The following SREBF2 variants were observed in gnomAD, a reference collection of about 807,000 sequenced individuals.
SREBF2 encodes the protein sterol regulatory element binding transcription factor 2, also known as sterol regulatory element-binding protein 2.
Under a neutral mutation model 113.1 loss-of-function variants are expected in SREBF2, and 55 were observed. The observed-to-expected ratio is 0.49, with a 90% confidence interval of 0.39 to 0.61. The LOEUF is 0.61. Ranked by LOEUF, SREBF2 falls within the 20% of genes least tolerant of loss-of-function variation. The pLI is 0.00. For synonymous variants in SREBF2, 593 were observed against 605.7 expected (o/e 0.98, Z 0.31); for missense variants, 1,349 against 1,487.4 (o/e 0.91, Z 1.53).
chr22:41,845,462 C>G (rs2076869499), intron 1 of SREBF2, among the ~76,000 whole-genome samples: 1 of 152,204 alleles, frequency 6.6e-6, no homozygotes, highest in Non-Finnish European at 1.5e-5. Flanking sequence ...TTTAAAAAAT[C>G]CTTGCTGCAT....
chr22:41,889,017 G>T (rs2077328425), intron 11 of SREBF2, among the ~76,000 whole-genome samples: 1 of 152,076 alleles, frequency 6.6e-6, no homozygotes, highest in African/African-American at 2.4e-5. Flanking sequence ...TTAGACTAGA[G>T]GTTCCCAAAC....
chr22:41,877,828 T>C (rs2077210640), intron 8 of SREBF2, 114 bp from the exon 9 acceptor site: 3 of 1,132,666 alleles, frequency 2.6e-6, no homozygotes, highest in Non-Finnish European at 4.0e-6. Context: ...ATTTGCCCTT[T>C]CTTCTGAAAA....
chr22:41,868,775 C>G lies in SREBF2; in HGVS notation c.703C>G (p.Gln235Glu). 1 of 1,611,660 alleles carries G rather than the reference C, an allele frequency of 6.2e-7. No homozygotes were observed. Among genetic ancestry groups the G allele is most frequent in the South Asian group, 1.1e-5 (1 of 90,784 alleles). The change falls in exon 3 of 19, where the codon CAG becomes GAG. Residue 235 changes from glutamine to glutamate, a missense_variant. By Grantham distance (29) the Gln-to-Glu change is conservative. Transcript: ENST00000361204. The part of the protein sequence containing the change: ...PATVQTVAAP[Q>E]VQQVPVLVQP... Reference sequence around the variant, plus strand: ...TACGGTGCAGACAGTTGCTGCGCCACAGGTGCAGCAGGTCCCGGTAAGTGG... The same window carrying G: ...TACGGTGCAGACAGTTGCTGCGCCAGAGGTGCAGCAGGTCCCGGTAAGTGG...
chr22:41,899,739 G>T (rs1331359533), intron 15 of SREBF2, among the ~76,000 whole-genome samples: 1 of 152,150 alleles, frequency 6.6e-6, no homozygotes, highest in African/African-American at 2.4e-5. Context: ...CAGGTAAGTT[G>T]TCCAAAGTCA....
intron 2 of SREBF2, among the ~76,000 whole-genome samples, chr22:41,867,885 G>A (rs1262429218): frequency 6.6e-6 from 1 of 152,164 alleles, no homozygotes; most frequent in African/African-American, 2.4e-5. Flanking sequence ...CTTGAATAAG[G>A]CTTGAAATTG....
chr22:41,872,898 A>C (rs182927561), intron 4 of SREBF2, among the ~76,000 whole-genome samples: 44 of 149,546 alleles, frequency 2.9e-4, no homozygotes, highest in Non-Finnish European at 1.0e-4. Context: ...GTCTCAAAAA[A>C]AAAAACAAAA....
At chr22:41,905,411 C>T (rs766314454) in intron 18 of SREBF2, 29 bp from the exon 19 acceptor site, 11 of 1,545,170 alleles carry the variant, frequency 7.1e-6, no homozygotes, top group African/African-American at 1.4e-5. Flanking sequence ...GGTAGATTCT[C>T]GGTTGTGACA....
chr22:41,904,804 C>T (rs2077491976), intron 17 of SREBF2, 59 bp from the exon 18 acceptor site: 2 of 1,369,446 alleles, frequency 1.5e-6, no homozygotes, highest in South Asian at 1.2e-5. Context: ...GAGAGCTACC[C>T]TGGGCATAGA....
rs983006732 is a variant in SREBF2 at position 41,872,923 on chromosome 22, C to T, written c.868-875C>T. Among the ~76,000 whole-genome samples the T allele has an allele frequency of 3.3e-5, 5 of 151,668 alleles. No homozygotes were observed. In the South Asian group the frequency reaches 1.0e-3, roughly 32 times the overall value. ...AAAAAACAAAAACAAAAAAACAGGA[C>T]GTGGTGGCTCACGCCTGTAATCCCA... On this transcript the variant is annotated intron_variant, in intron 4 of 18. Transcript: ENST00000361204.
Position 41,833,169 on chromosome 22 carries a change from T to C in SREBF2, c.-102T>C, listed in dbSNP as rs1301101035. 6.8e-6 allele frequency: 6 copies of C among 878,618 alleles called. No homozygotes were observed. Among genetic ancestry groups the C allele is most frequent in the African/African-American group, 1.8e-5 (1 of 55,680 alleles). The allele number at this position is 878,618 out of a possible 1,614,324, so 54.4% of individuals were successfully genotyped here. ...CGGGTGGCACCCGTCGGTGAGGCGG[T>C]GCCGGGCGGGGGTTGTCGGGTGTCA... On this transcript the variant is annotated 5_prime_UTR_variant, in exon 1 of 19. Transcript: ENST00000361204. The surrounding 1 kb of genome is among the most constrained non-coding windows in gnomAD (Gnocchi z 4.1).
At chr22:41,842,665 G>A (rs915978191) in intron 1 of SREBF2, among the ~76,000 whole-genome samples, 4 of 152,146 alleles carry the variant, frequency 2.6e-5, no homozygotes, top group Non-Finnish European at 4.4e-5. Flanking sequence ...TGCTGTCTCC[G>A]ACATAGTTGT....
chr22:41,895,291 C>T (rs938800107), intron 13 of SREBF2, among the ~76,000 whole-genome samples: 10 of 152,100 alleles, frequency 6.6e-5, no homozygotes, highest in African/African-American at 1.9e-4. Flanking sequence ...AGGCGCCTGC[C>T]ACCATGCCCG....
chr22:41,845,367 C>T (rs576757627), intron 1 of SREBF2, among the ~76,000 whole-genome samples: 36 of 152,278 alleles, frequency 2.4e-4, no homozygotes, highest in African/African-American at 7.7e-4. Context: ...CCATATTCTT[C>T]GCTGTCCTAT....
chr22:41,863,883 T>C (rs536516068), intron 1 of SREBF2, among the ~76,000 whole-genome samples: 1 of 146,690 alleles, frequency 6.8e-6, no homozygotes, highest in Non-Finnish European at 1.5e-5. Flanking sequence ...ATCTATCTAT[T>C]TATTTATTTA....
chr22:41,897,181 CCA>C lies in SREBF2; in HGVS notation c.2605+23_2605+24del, dbSNP rs1244948817. On this transcript the variant is annotated intron_variant, in intron 14 of 18. Coordinates refer to ENST00000361204, the MANE Select transcript of SREBF2 (RefSeq NM_004599.4). Reference sequence around the variant, plus strand: ...CCCTGGGTAAGCACCTGCGGGTGGCCCACAGTCTCAGGGTGCTCAGTTCAGGT... The same window carrying C: ...CCCTGGGTAAGCACCTGCGGGTGGCCCAGTCTCAGGGTGCTCAGTTCAGGT... 6.4e-7 allele frequency: 1 copy of C among 1,570,242 alleles called. No individual in the cohort carries two copies. Among genetic ancestry groups the C allele is most frequent in the Non-Finnish European group, 8.7e-7 (1 of 1,145,392 alleles).
chr22:41,891,606 G>A (rs996095162), intron 11 of SREBF2, among the ~76,000 whole-genome samples: 3 of 152,104 alleles, frequency 2.0e-5, no homozygotes, highest in South Asian at 2.1e-4. Flanking sequence ...CGTTACATTC[G>A]CTGATGGCTA....
At chr22:41,864,261 TAC>T (rs1158750306) in intron 1 of SREBF2, among the ~76,000 whole-genome samples, 1,419 of 50,766 alleles carry the variant, frequency 0.028, 59 homozygotes, top group African/African-American at 0.064. Flanking sequence ...TATATATATA[TAC>T]ACACACACAC....
At chr22:41,861,298 G>A (rs1412674710) in intron 1 of SREBF2, among the ~76,000 whole-genome samples, 1 of 151,822 alleles carries the variant, frequency 6.6e-6, no homozygotes, top group Non-Finnish European at 1.5e-5. Context: ...CCTGTCCATT[G>A]TGGTGAAACC....
chr22:41,900,419 G>C lies in SREBF2; in HGVS notation c.2828G>C (p.Cys943Ser). 1 of 1,613,950 alleles carries C rather than the reference G, an allele frequency of 6.2e-7. No homozygotes were observed. The highest frequency in any genetic ancestry group is 8.5e-7 in the Non-Finnish European group (1 of 1,180,044). Residue 943 changes from cysteine to serine, a missense_variant, in exon 16 of 19, where the codon TGC (cysteine) becomes TCC (serine). By Grantham distance (112) the Cys-to-Ser change is moderately radical. Coordinates refer to ENST00000361204, the MANE Select transcript of SREBF2 (RefSeq NM_004599.4). Reference protein sequence around the residue: ...GKADGQQSSFCHCERASGHLW... With the variant: ...GKADGQQSSFSHCERASGHLW... ...GCAGATGGGCAGCAGAGTTCCTTCT[G>C]CCATTGCGAGAGGGCCAGTGGCCAC... is the stretch of plus-strand genomic sequence containing the variant.
Sources: allele counts gnomAD v4.1 joint callset (sites outside exome capture counted in the v4.1 genomes callset), GRCh38; gene constraint gnomAD v4.1.1; non-coding constraint Gnocchi (gnomAD v3.1); transcripts MANE v1.5; gene names NCBI Gene and HGNC (gene_info 2026-07-23, HGNC 2026-07-21).